The following LIN28B variants were observed in gnomAD, a reference collection of about 807,000 sequenced individuals.
The protein encoded by LIN28B is protein lin-28 homolog B.
Under a neutral mutation model 21.9 loss-of-function variants are expected in LIN28B, and 5 were observed. The ratio of observed to expected loss-of-function variants is 0.23; its 90% CI spans 0.12 to 0.48. The LOEUF (loss-of-function observed/expected upper bound fraction) is 0.48. Among genes scored for constraint, LIN28B ranks in the 20% least tolerant of loss-of-function variants. The pLI is 0.98. For synonymous variants in LIN28B, 109 were observed against 111.3 expected (o/e 0.98, Z 0.13); for missense variants, 245 against 310.5 (o/e 0.79, Z 1.58).
chr6:104,950,416 A>T, intron 2 of LIN28B: 1 of 1,058,466 alleles, frequency 9.4e-7, no homozygotes, highest in Non-Finnish European at 1.2e-6. Context: ...AGAGGCAATT[A>T]AATAGGCAAT....
intron 2 of LIN28B, among the ~76,000 whole-genome samples, chr6:105,025,848 T>C (rs1247532779): frequency 6.6e-6 from 1 of 152,122 alleles, no homozygotes; most frequent in Non-Finnish European, 1.5e-5. Flanking sequence ...CTTATCTTTC[T>C]ACATTAGAAC....
Position 105,078,406 on chromosome 6 carries a change from C to A in LIN28B, c.384-8C>A. On this transcript the variant is annotated splice_polypyrimidine_tract_variant and splice_region_variant and intron_variant, in intron 3 of 3. Coordinates refer to ENST00000345080, the MANE Select transcript of LIN28B (RefSeq NM_001004317.4). ...CTTCTAAGATGTTTTCATCTTTTTT[C>A]CTTGTAGATGCTACAACTGTGGTGG... 2 of 1,576,738 alleles carry A rather than the reference C, an allele frequency of 1.3e-6. No homozygotes were observed. Among genetic ancestry groups the A allele is most frequent in the South Asian group, 1.1e-5 (1 of 87,300 alleles).
chr6:105,070,856 C>T (rs888874060), intron 3 of LIN28B, among the ~76,000 whole-genome samples: 1 of 152,114 alleles, frequency 6.6e-6, no homozygotes, highest in African/African-American at 2.4e-5. Context: ...ACTGTCTTCC[C>T]TCCCAGTGGT....
intron 2 of LIN28B, among the ~76,000 whole-genome samples, chr6:104,943,113 A>T (rs115260985): frequency 1.8e-4 from 28 of 152,266 alleles, no homozygotes; most frequent in African/African-American, 6.7e-4. Flanking sequence ...GCAAATCGAG[A>T]TTTAAAATAG....
intron 3 of LIN28B, among the ~76,000 whole-genome samples, chr6:105,074,206 T>TC (rs1263102880): frequency 6.6e-6 from 1 of 152,208 alleles, no homozygotes; most frequent in East Asian, 1.9e-4. Context: ...TAAAATCTTT[T>TC]CTTTTTTTTG....
chr6:104,994,588 G>GT (rs1770561497), intron 2 of LIN28B, among the ~76,000 whole-genome samples: 1 of 152,148 alleles, frequency 6.6e-6, no homozygotes, highest in South Asian at 2.1e-4. Context: ...AAAAGGGGAG[G>GT]TTTTTCATTT....
chr6:104,943,911 G>C (rs1778126564), intron 2 of LIN28B, among the ~76,000 whole-genome samples: 1 of 152,050 alleles, frequency 6.6e-6, no homozygotes, highest in African/African-American at 2.4e-5. Flanking sequence ...TCATTGTTTT[G>C]AGAAACTTGC....
rs1769619687 is a variant in LIN28B, at chr6:104,958,274, A to AT, written c.189dup (p.Val64CysfsTer12). 1 of 1,553,966 alleles carries AT rather than the reference A, an allele frequency of 6.4e-7. No homozygotes were observed. Among genetic ancestry groups the AT allele is most frequent in the Non-Finnish European group, 8.8e-7 (1 of 1,138,146 alleles). On this transcript the variant is annotated frameshift_variant, in exon 2 of 4. Transcript: ENST00000345080. LOFTEE classifies it high-confidence loss of function. ...GCCCCTTGGATATTCCAGTCGATGT[A>AT]TTTGTACACCAAGTAAGCCAAACTT... is the stretch of plus-strand genomic sequence containing the variant.
At chr6:104,979,350 G>T (rs948462514) in intron 2 of LIN28B, among the ~76,000 whole-genome samples, 1 of 151,852 alleles carries the variant, frequency 6.6e-6, no homozygotes, top group African/African-American at 2.4e-5. Flanking sequence ...GCTGATTACA[G>T]GTGTGCGCCA....
chr6:104,985,032 A>G (rs540564503), intron 2 of LIN28B, among the ~76,000 whole-genome samples: 5 of 152,330 alleles, frequency 3.3e-5, no homozygotes, highest in African/African-American at 1.2e-4. Context: ...CCATGGTAAT[A>G]AATACTTCCA....
At chr6:105,059,112 C>T (rs1249641653) in intron 3 of LIN28B, among the ~76,000 whole-genome samples, 1 of 152,162 alleles carries the variant, frequency 6.6e-6, no homozygotes. Context: ...CTATCTCCTA[C>T]TTGCTAAATC....
At chr6:104,958,981 TTG>T (rs1769654302) in intron 2 of LIN28B, among the ~76,000 whole-genome samples, 2 of 152,190 alleles carry the variant, frequency 1.3e-5, no homozygotes, top group African/African-American at 4.8e-5. Flanking sequence ...CGGCTCTTGC[TTG>T]TGTGTTTAAA....
intron 3 of LIN28B, among the ~76,000 whole-genome samples, chr6:105,044,815 C>T (rs946671714): frequency 1.3e-5 from 2 of 152,090 alleles, no homozygotes; most frequent in African/African-American, 4.8e-5. Flanking sequence ...GACTAGTGCA[C>T]GTTCTACCCA....
intron 2 of LIN28B, among the ~76,000 whole-genome samples, chr6:105,021,484 A>G (rs574405341): frequency 6.6e-6 from 1 of 152,310 alleles, no homozygotes; most frequent in African/African-American, 2.4e-5. Flanking sequence ...CATTCCTACC[A>G]ACAGTGTATA....
chr6:105,035,704 T>C (rs552603867), intron 3 of LIN28B, among the ~76,000 whole-genome samples: 4 of 152,334 alleles, frequency 2.6e-5, no homozygotes, highest in African/African-American at 7.2e-5. Context: ...AAATTTTAGC[T>C]GCATAATACA....
At chr6:104,942,831 A>G (rs1042500950) in intron 2 of LIN28B, among the ~76,000 whole-genome samples, 4 of 152,184 alleles carry the variant, frequency 2.6e-5, no homozygotes, top group Non-Finnish European at 5.9e-5. Context: ...GCTTTACAAT[A>G]TAAGGTCATA....
chr6:104,950,516 CTTTT>C, intron 3 of LIN28B: 11 of 1,035,718 alleles, frequency 1.1e-5, no homozygotes, highest in Non-Finnish European at 1.2e-5. Context: ...CCAGGTTAGT[CTTTT>C]TTTTTTTTTT....
At chr6:105,010,959 A>G (rs1271692364) in intron 2 of LIN28B, among the ~76,000 whole-genome samples, 1 of 152,234 alleles carries the variant, frequency 6.6e-6, no homozygotes, top group African/African-American at 2.4e-5. Flanking sequence ...ATGGAATTAC[A>G]GTATACTCAT....
chr6:105,015,321 C>CTGTG (rs1391914021), intron 2 of LIN28B, among the ~76,000 whole-genome samples: 1 of 152,036 alleles, frequency 6.6e-6, no homozygotes, highest in Admixed American at 6.6e-5. Flanking sequence ...TTAAAGTCTA[C>CTGTG]TTTTAGTAAT....
Sources: gnomAD v4.1 joint callset for allele counts (sites outside exome capture counted in the v4.1 genomes callset) on GRCh38, gnomAD v4.1.1 for gene constraint, MANE v1.5 for transcripts, NCBI Gene and HGNC (gene_info 2026-07-23, HGNC 2026-07-21) for gene names.